The following SLC2A12 variants were observed in gnomAD, a reference collection of about 807,000 sequenced individuals.
The protein encoded by SLC2A12 is solute carrier family 2 member 12.
SLC2A12 carries 23 observed loss-of-function variants against 41.8 expected under a neutral mutation model. The observed-to-expected ratio is 0.55, with a 90% confidence interval of 0.40 to 0.78. SLC2A12 has a LOEUF of 0.78. Among genes scored for constraint, SLC2A12 ranks in the 30% least tolerant of loss-of-function variants. The pLI is 0.00. For synonymous variants in SLC2A12, 295 were observed against 285.9 expected (o/e 1.03, Z -0.32); for missense variants, 654 against 745.6 (o/e 0.88, Z 1.43).
intron 2 of SLC2A12, among the ~76,000 whole-genome samples, chr6:134,022,533 A>AAAAAGAAAAGAAAAGAAAAG (rs10689126): frequency 4.9e-5 from 7 of 142,232 alleles, no homozygotes; most frequent in East Asian, 4.1e-4. Flanking sequence ...CTCCATCTCA[A>AAAAAGAAAAGAAAAGAAAAG]AAAAGAAAAG....
At chr6:134,011,357 C>A (rs1443156347) in intron 2 of SLC2A12, among the ~76,000 whole-genome samples, 3 of 152,016 alleles carry the variant, frequency 2.0e-5, no homozygotes, top group Non-Finnish European at 4.4e-5. Flanking sequence ...TGTGATGGTT[C>A]ACTCCTGTAA....
chr6:134,014,153 G>A (rs1248400896), intron 2 of SLC2A12, among the ~76,000 whole-genome samples: 1 of 152,192 alleles, frequency 6.6e-6, no homozygotes, highest in Non-Finnish European at 1.5e-5. Flanking sequence ...ATGGTTTCGG[G>A]ATGATTCAAG....
intron 2 of SLC2A12, 136 bp from the exon 3 acceptor site, chr6:134,007,070 G>T: frequency 8.0e-7 from 1 of 1,254,330 alleles, no homozygotes; most frequent in Non-Finnish European, 1.1e-6. Context: ...TCCTACCTCA[G>T]CAGAACAGGA....
chr6:134,027,556 C>A (rs939551138), intron 2 of SLC2A12, among the ~76,000 whole-genome samples: 1 of 150,704 alleles, frequency 6.6e-6, no homozygotes, highest in Non-Finnish European at 1.5e-5. Flanking sequence ...TAGAGGCTAC[C>A]TTTAAGCTTT....
chr6:134,034,600 A>C (rs1777267065), intron 1 of SLC2A12, among the ~76,000 whole-genome samples: 1 of 152,192 alleles, frequency 6.6e-6, no homozygotes, highest in Non-Finnish European at 1.5e-5. Flanking sequence ...ATGCTATCCT[A>C]TGGATGCTGG....
intron 1 of SLC2A12, among the ~76,000 whole-genome samples, chr6:134,051,984 C>T (rs1199297310): frequency 1.3e-5 from 2 of 152,182 alleles, no homozygotes; most frequent in African/African-American, 2.4e-5. Flanking sequence ...TGTAAGCAAG[C>T]GTGTGCTTGT....
chr6:134,013,568 C>T (rs1392873387), intron 2 of SLC2A12, among the ~76,000 whole-genome samples: 1 of 151,914 alleles, frequency 6.6e-6, no homozygotes, highest in Non-Finnish European at 1.5e-5. Flanking sequence ...TCTAGAATAA[C>T]ATGATACATT....
intron 3 of SLC2A12, among the ~76,000 whole-genome samples, chr6:134,006,327 G>T (rs1032281555): frequency 6.6e-6 from 1 of 151,968 alleles, no homozygotes; most frequent in African/African-American, 2.4e-5. Context: ...ATAAGGTATA[G>T]TGGGGGTGAG....
intron 1 of SLC2A12, among the ~76,000 whole-genome samples, chr6:134,031,419 C>A (rs1226676368): frequency 1.8e-5 from 2 of 111,352 alleles, no homozygotes; most frequent in African/African-American, 7.3e-5. Flanking sequence ...AAAAAACAAA[C>A]AACAAACAAA....
intron 1 of SLC2A12, among the ~76,000 whole-genome samples, chr6:134,040,058 GTT>G (rs11371413): frequency 7.2e-6 from 1 of 139,328 alleles, no homozygotes; most frequent in African/African-American, 2.7e-5. Flanking sequence ...GTTGTTTTTT[GTT>G]TTTTTTTTTT....
At position 134,028,286 on chromosome 6, in the gene SLC2A12, C is replaced by T. The variant is rs1777140770; in HGVS notation, c.1444+95G>A. 7 of 1,462,298 alleles carry T rather than the reference C, an allele frequency of 4.8e-6. No homozygotes were observed. In the Admixed American group the frequency reaches 1.4e-4, roughly 28 times the overall value. The allele number at this position is 1,462,298 out of a possible 1,614,324, so 90.6% of individuals were successfully genotyped here. ...GGAACATCAGATGACCAATGTTATC[C>T]TTGTCTTCCTTCTAGCACTTATGTT... On this transcript the variant is annotated intron_variant, in intron 2 of 4. Transcript: ENST00000275230.
At chr6:134,023,061 C>G (rs1034995869) in intron 2 of SLC2A12, among the ~76,000 whole-genome samples, 7 of 152,142 alleles carry the variant, frequency 4.6e-5, no homozygotes, top group African/African-American at 1.7e-4. Flanking sequence ...CAAAGCTCCC[C>G]CTTTGCCCCA....
intron 2 of SLC2A12, among the ~76,000 whole-genome samples, chr6:134,019,065 C>T (rs1202018500): frequency 6.6e-6 from 1 of 152,198 alleles, no homozygotes; most frequent in Non-Finnish European, 1.5e-5. Context: ...GCAGCTTTAT[C>T]ACCTAACTTC....
At chr6:134,002,225 A>G in intron 3 of SLC2A12, 96 bp from the exon 4 acceptor site, 16 of 1,274,358 alleles carry the variant, frequency 1.3e-5, no homozygotes, top group Non-Finnish European at 1.7e-5. Flanking sequence ...CACCATATGT[A>G]TTTTCAAACA....
rs116551958 is a variant in SLC2A12 at position 134,008,980 on chromosome 6, C to T, written c.1445-2046G>A. ...GTCACCTTTCAAACCTCCTTCTTCC[C>T]CTCCTCATCTTTCATCATGGTGGCC... On this transcript the variant is annotated intron_variant, in intron 2 of 4. Coordinates refer to ENST00000275230, the MANE Select transcript of SLC2A12 (RefSeq NM_145176.3). 401 of 152,422 alleles carry T rather than the reference C, an allele frequency of 2.6e-3. 3 individuals carry two copies. The highest frequency in any genetic ancestry group is 7.4e-3 in the African/African-American group (307 of 41,566). 9.4% of individuals were successfully genotyped at this position (152,422 alleles called of 1,614,324 possible). A position where few individuals can be genotyped will look rare whatever the true frequency, so the allele number is the denominator to read the frequency against.
intron 1 of SLC2A12, among the ~76,000 whole-genome samples, chr6:134,037,552 A>C (rs893724876): frequency 6.6e-6 from 1 of 151,554 alleles, no homozygotes; most frequent in Non-Finnish European, 1.5e-5. Context: ...ACGGGATTTC[A>C]CCATGTTGGC....
chr6:134,028,866 G>A lies in SLC2A12; in HGVS notation c.959C>T (p.Ser320Phe), dbSNP rs1777154086. Residue 320 changes from serine to phenylalanine, a missense_variant, in exon 2 of 5, where the codon TCC becomes TTC. By Grantham distance (155) the Ser-to-Phe change is radical. Around this residue, in one of 3 missense-constraint regions of SLC2A12, gnomAD observed 411 missense variants for 412.1 expected, o/e 1.00. Coordinates refer to ENST00000275230, the MANE Select transcript of SLC2A12 (RefSeq NM_145176.3). ...GACCTTGACGACTCCAACCCCAGTG[G>A]AGGCGAGGCTAGCTGCCTCATTGCT... Reference protein sequence around the residue: ...FQSNEAASLASTGVGVVKVIS... With the variant: ...FQSNEAASLAFTGVGVVKVIS... 10 of 1,614,100 alleles carry A rather than the reference G, an allele frequency of 6.2e-6. No homozygotes were observed. Among genetic ancestry groups the A allele is most frequent in the Non-Finnish European group, 7.6e-6 (9 of 1,180,050 alleles).
intron 2 of SLC2A12, among the ~76,000 whole-genome samples, chr6:134,013,942 A>G (rs947989265): frequency 3.3e-5 from 5 of 152,210 alleles, no homozygotes; most frequent in Non-Finnish European, 5.9e-5. Context: ...GAGAACAGCT[A>G]TAACTGGGGA....
At chr6:134,024,701 C>T (rs553482523) in intron 2 of SLC2A12, among the ~76,000 whole-genome samples, 4 of 152,086 alleles carry the variant, frequency 2.6e-5, no homozygotes, top group Non-Finnish European at 2.9e-5. Context: ...TCTTAATATG[C>T]GTGAGATTTT....
Sources: allele counts gnomAD v4.1 joint callset (sites outside exome capture counted in the v4.1 genomes callset), GRCh38; gene constraint gnomAD v4.1.1; regional missense constraint gnomAD v4.1.1; transcripts MANE v1.5; gene names NCBI Gene and HGNC (gene_info 2026-07-23, HGNC 2026-07-21).